The following CACNA1G variants were observed in gnomAD, a reference collection of about 807,000 sequenced individuals.
CACNA1G encodes voltage-dependent T-type calcium channel subunit alpha-1G.
A neutral mutation model predicts 219.4 loss-of-function variants in CACNA1G; 67 were observed. The observed-to-expected ratio is 0.31, with a 90% confidence interval of 0.25 to 0.37. CACNA1G has a LOEUF of 0.37. CACNA1G is among the 10% of genes least tolerant of loss of function. CACNA1G has a pLI of 1.00. For synonymous variants in CACNA1G, 1,296 were observed against 1,345.3 expected (o/e 0.96, Z 0.80); for missense variants, 2,380 against 3,231.4 (o/e 0.74, Z 6.39).
intron 9 of CACNA1G, among the ~76,000 whole-genome samples, chr17:50,589,070 C>T (rs147355582): frequency 4.6e-5 from 7 of 152,364 alleles, no homozygotes; most frequent in Admixed American, 2.0e-4. Context: ...TGAGCAGCTA[C>T]TATGGACTTG....
At chr17:50,598,952 T>C (rs2046082099) in intron 16 of CACNA1G, among the ~76,000 whole-genome samples, 1 of 152,156 alleles carries the variant, frequency 6.6e-6, no homozygotes, top group Non-Finnish European at 1.5e-5. Context: ...GGTTTCGAGC[T>C]CCTGGCCTCA....
chr17:50,582,888 C>T (rs775641931), intron 9 of CACNA1G, among the ~76,000 whole-genome samples: 6 of 151,990 alleles, frequency 3.9e-5, no homozygotes, highest in Non-Finnish European at 7.4e-5. Flanking sequence ...GATGACTCTG[C>T]TCATTGCTCA....
At chr17:50,595,764 C>T (rs2045417328) in intron 14 of CACNA1G, among the ~76,000 whole-genome samples, 1 of 152,238 alleles carries the variant, frequency 6.6e-6, no homozygotes. Context: ...TGCTGCATAT[C>T]CCGAGCAGCC....
rs551808806 is a variant in CACNA1G at position 50,618,528 on chromosome 17, C to G, written c.5428-127C>G. ...CACACTTGTAGTGCTCCTCTGCCCC[C>G]AAACACTCCCTCCTCCTCCCCTTCC... is the stretch of plus-strand genomic sequence containing the variant. On this transcript the variant is annotated intron_variant, in intron 32 of 37. Transcript: ENST00000359106. The surrounding 1 kb of genome is among the most constrained non-coding windows in gnomAD (Gnocchi z 5.3). The G allele has an allele frequency of 3.8e-6, 4 of 1,045,902 alleles. No individual in the cohort carries two copies. In the African/African-American group the frequency reaches 6.3e-5, roughly 16 times the overall value. The allele number at this position is 1,045,902 out of a possible 1,614,324, so 64.8% of individuals were successfully genotyped here.
At chr17:50,572,470 CTCGTGCCA>C in intron 5 of CACNA1G, 76 bp from the exon 6 acceptor site, 3 of 1,204,824 alleles carry the variant, frequency 2.5e-6, no homozygotes, top group Non-Finnish European at 3.4e-6. Context: ...GCCTCGAGCA[CTCGTGCCA>C]TCTCTCCCTT....
chr17:50,562,763 C>A (rs906694590), intron 1 of CACNA1G, among the ~76,000 whole-genome samples: 1 of 152,164 alleles, frequency 6.6e-6, no homozygotes, highest in Non-Finnish European at 1.5e-5. Flanking sequence ...GTAGACTCCG[C>A]AGATAGGTTT....
In CACNA1G at chr17:50,609,996, G is replaced by A. The variant is rs986032478; in HGVS notation, c.4759+61G>A. ...GACATGCTCTTCACTCCCTCCCCGTGGCTCATTGATTCTATCCTCTTGGGG... is the reference window on the plus strand; with the variant it reads ...GACATGCTCTTCACTCCCTCCCCGTAGCTCATTGATTCTATCCTCTTGGGG... On this transcript the variant is annotated intron_variant, in intron 26 of 37. Transcript: ENST00000359106. 8.0e-6 allele frequency: 12 copies of A among 1,509,340 alleles called. No homozygotes were observed. In the African/African-American group the frequency reaches 1.2e-4, roughly 15 times the overall value. 93.5% of individuals were successfully genotyped at this position (1,509,340 alleles called of 1,614,324 possible). A position where few individuals can be genotyped will look rare whatever the true frequency, so the allele number is the denominator to read the frequency against.
chr17:50,612,604 C>A (rs917009782), intron 26 of CACNA1G, among the ~76,000 whole-genome samples: 2 of 152,228 alleles, frequency 1.3e-5, no homozygotes, highest in Non-Finnish European at 2.9e-5. Context: ...TTGGGAGTGA[C>A]CCCTGTCTTC....
chr17:50,587,544 T>C (rs1403606280), intron 9 of CACNA1G, among the ~76,000 whole-genome samples: 1 of 152,214 alleles, frequency 6.6e-6, no homozygotes, highest in African/African-American at 2.4e-5. Context: ...TGGACAGACC[T>C]GGCTATCTGG....
intron 1 of CACNA1G, among the ~76,000 whole-genome samples, chr17:50,565,504 T>G (rs2037548823): frequency 6.6e-6 from 1 of 152,084 alleles, no homozygotes; most frequent in Non-Finnish European, 1.5e-5. Context: ...CTCTGTGGGA[T>G]GGGTGAGGCA....
In CACNA1G at chr17:50,592,002, G is replaced by A. The variant is rs368646040; in HGVS notation, c.2820G>A (p.Ala940=). 17 of 1,613,866 alleles carry A rather than the reference G, an allele frequency of 1.1e-5. No homozygotes were observed. In the African/African-American group the frequency reaches 1.2e-4, roughly 11 times the overall value. ...GTATGGCCTCCACGTCGTCCTGGGC[G>A]GCCCTTTATTTCATTGCCCTCATGA... ...YNGMASTSSW[A]ALYFIALMTF... Residue 940 remains alanine, a synonymous_variant, in exon 13 of 38, where the codon GCG becomes GCA. Transcript: ENST00000359106.
intron 19 of CACNA1G, 32 bp downstream of exon 19, chr17:50,601,206 T>C: frequency 1.2e-6 from 2 of 1,610,660 alleles, no homozygotes; most frequent in Non-Finnish European, 1.7e-6. Context: ...GGGCAAGGCC[T>C]CTCCTGGGGT....
chr17:50,606,754 C>T, intron 23 of CACNA1G, 146 bp from the exon 24 acceptor site: 1 of 667,722 alleles, frequency 1.5e-6, no homozygotes, highest in Non-Finnish European at 2.8e-6. Context: ...GGAGGGCTCT[C>T]CTGGAGCCTG....
chr17:50,601,698 C>A (rs765342600), intron 19 of CACNA1G, among the ~76,000 whole-genome samples: 1 of 152,250 alleles, frequency 6.6e-6, no homozygotes, highest in Non-Finnish European at 1.5e-5. Flanking sequence ...CTGGACATAC[C>A]GCCCCAGGGT....
At chr17:50,576,781 G>C (rs1168038920) in intron 8 of CACNA1G, among the ~76,000 whole-genome samples, 1 of 152,208 alleles carries the variant, frequency 6.6e-6, no homozygotes, top group African/African-American at 2.4e-5. Context: ...CGGACTCGGG[G>C]CCCGCACTCG....
chr17:50,573,677 C>T (rs1160665558), intron 7 of CACNA1G: 1 of 152,404 alleles, frequency 6.6e-6, no homozygotes. Context: ...ACCCAAAATT[C>T]TGATCAGTGA....
At position 50,617,181 on chromosome 17, in the gene CACNA1G, A is replaced by G. The variant is rs2050774603; in HGVS notation, c.5022-257A>G. On this transcript the variant is annotated intron_variant, in intron 28 of 37. Coordinates refer to ENST00000359106, the MANE Select transcript of CACNA1G (RefSeq NM_018896.5). This position sits in a 1 kb window ranked among gnomAD's most constrained non-coding sequence, Gnocchi z 5.8. ...AAGTGCCTGGTGCATAGTGAACACC[A>G]TATAAGTGCTAAATTAAAAATAAAA... Among the ~76,000 whole-genome samples, 1 of 152,230 alleles carries G rather than the reference A, an allele frequency of 6.6e-6. No individual in the cohort carries two copies. Among genetic ancestry groups the G allele is most frequent in the South Asian group, 2.1e-4 (1 of 4,830 alleles).
Position 50,618,808 on chromosome 17 carries a change from G to A in CACNA1G, c.5581G>A (p.Ala1861Thr), listed in dbSNP as rs568096368. 6.2e-7 allele frequency: 1 copy of A among 1,613,932 alleles called. No individual in the cohort carries two copies. Among genetic ancestry groups the A allele is most frequent in the African/African-American group, 1.3e-5 (1 of 75,056 alleles). Residue 1861 changes from alanine to threonine, a missense_variant, in exon 33 of 38, where the codon GCC becomes ACC. Ala to Thr is a moderately conservative substitution (Grantham distance 58). Transcript: ENST00000359106. This position sits in a 1 kb window ranked among gnomAD's most constrained non-coding sequence, Gnocchi z 5.3. ...GCACCTGGAGGAGAGCAACAAGGAG[G>A]CCAAGGAGGAGGCCGAGCTAGAGGC... ...MKHLEESNKE[A>T]KEEAELEAEL...
chr17:50,588,593 A>G (rs1463525843), intron 9 of CACNA1G, among the ~76,000 whole-genome samples: 1 of 152,154 alleles, frequency 6.6e-6, no homozygotes, highest in African/African-American at 2.4e-5. Flanking sequence ...GGAGACACTA[A>G]TGGCCCTGTG....
Sources: allele counts gnomAD v4.1 joint callset (sites outside exome capture counted in the v4.1 genomes callset), GRCh38; gene constraint gnomAD v4.1.1; non-coding constraint Gnocchi (gnomAD v3.1); transcripts MANE v1.5; gene names NCBI Gene and HGNC (gene_info 2026-07-23, HGNC 2026-07-21).